GRK5: variants seen among roughly 807,000 people sequenced by gnomAD.
GRK5 encodes the protein G protein-coupled receptor kinase 5, also known as g protein-coupled receptor kinase GRK5.
A neutral mutation model predicts 78.4 loss-of-function variants in GRK5; 40 were observed. That is an observed-to-expected ratio of 0.51 (90% CI 0.40 to 0.66). The LOEUF (loss-of-function observed/expected upper bound fraction) is 0.66. Among genes scored for constraint, GRK5 ranks in the 30% least tolerant of loss-of-function variants. The pLI, the probability that GRK5 is intolerant of heterozygous loss-of-function variation, is 0.00. For missense variants in GRK5, 598 were observed against 759.9 expected (o/e 0.79, Z 2.50); for synonymous variants, 289 against 296.8 (o/e 0.97, Z 0.27).
At chr10:119,284,917 C>T (rs918423758) in intron 1 of GRK5, among the ~76,000 whole-genome samples, 1 of 152,212 alleles carries the variant, frequency 6.6e-6, no homozygotes, top group Non-Finnish European at 1.5e-5. Context: ...ATCCGAGCTC[C>T]CCATCCTGGG....
chr10:119,320,070 A>T (rs898805211), intron 1 of GRK5, among the ~76,000 whole-genome samples: 2 of 152,250 alleles, frequency 1.3e-5, no homozygotes, highest in Admixed American at 1.3e-4. Flanking sequence ...GAGAAGGGAC[A>T]CTAGAGCTGG....
At chr10:119,322,288 T>C (rs1850598858) in intron 1 of GRK5, among the ~76,000 whole-genome samples, 1 of 152,200 alleles carries the variant, frequency 6.6e-6, no homozygotes, top group African/African-American at 2.4e-5. Flanking sequence ...CCATGCTTTG[T>C]TCCAGGGGTC....
intron 4 of GRK5, chr10:119,406,310 C>T (rs1416206356): frequency 2.0e-5 from 4 of 198,710 alleles, no homozygotes; most frequent in African/African-American, 9.4e-5. Flanking sequence ...GACAGCATGA[C>T]CTAGGGCAAA....
intron 1 of GRK5, among the ~76,000 whole-genome samples, chr10:119,257,720 T>C (rs983458984): frequency 2.0e-5 from 3 of 151,982 alleles, no homozygotes; most frequent in African/African-American, 7.3e-5. Flanking sequence ...CGAGACTCTG[T>C]CTAAACAAAA....
At chr10:119,333,393 T>G (rs1589750050) in intron 2 of GRK5, 1 of 184,546 alleles carries the variant, frequency 5.4e-6, no homozygotes, top group Non-Finnish European at 1.1e-5. Context: ...CTGGGGCAGG[T>G]TGGTTTCCTC....
chr10:119,410,253 T>G (rs964249218), intron 4 of GRK5, among the ~76,000 whole-genome samples: 1 of 152,198 alleles, frequency 6.6e-6, no homozygotes, highest in Non-Finnish European at 1.5e-5. Flanking sequence ...TTTCCTTTCC[T>G]TCTCATTAAA....
intron 1 of GRK5, among the ~76,000 whole-genome samples, chr10:119,269,896 C>G (rs1849558801): frequency 6.6e-6 from 1 of 151,692 alleles, no homozygotes; most frequent in Admixed American, 6.6e-5. Context: ...TCAGAGCCAC[C>G]TTGGAGGGGG....
At chr10:119,340,447 C>T (rs1006402821) in intron 2 of GRK5, among the ~76,000 whole-genome samples, 7 of 152,198 alleles carry the variant, frequency 4.6e-5, no homozygotes, top group African/African-American at 1.7e-4. Context: ...ACTTTTAATT[C>T]CTTTTCTCAT....
Position 119,412,007 on chromosome 10 carries a change from C to T in GRK5, c.340-11159C>T, listed in dbSNP as rs181058995. 7.2e-5 allele frequency among the ~76,000 whole-genome samples: 11 copies of T among 152,102 alleles called. No individual in the cohort carries two copies. The highest frequency in any genetic ancestry group is 2.2e-4 in the African/African-American group (9 of 41,510). On this transcript the variant is annotated intron_variant, in intron 4 of 15. Coordinates refer to ENST00000392870, the MANE Select transcript of GRK5 (RefSeq NM_005308.3). The surrounding 1 kb of genome is among the most constrained non-coding windows in gnomAD (Gnocchi z 4.3). The stretch of plus-strand genomic sequence containing the variant: ...CTGGGACTATAGGCATACACCACCA[C>T]GCCTGGCTAATTTTTGTATTTTTAG...
chr10:119,210,018 C>G (rs964465180), intron 1 of GRK5, among the ~76,000 whole-genome samples: 3 of 152,070 alleles, frequency 2.0e-5, no homozygotes, highest in African/African-American at 4.8e-5. Flanking sequence ...GTTAGGCCAA[C>G]AAATTGGGTT....
At chr10:119,240,189 CTTTTTTTTTTTTT>C (rs55905745) in intron 1 of GRK5, among the ~76,000 whole-genome samples, 87 of 70,100 alleles carry the variant, frequency 1.2e-3, no homozygotes, top group Non-Finnish European at 2.0e-3. Flanking sequence ...TGTTTCCCGA[CTTTTTTTTTTTTT>C]TTTTTTTTTT....
rs1852925871 is a variant in GRK5, at chr10:119,436,680, G to A, written c.768G>A (p.Lys256=). Residue 256 remains lysine (K), a synonymous_variant, in exon 9 of 16, where the codon AAG becomes AAA. Coordinates refer to ENST00000392870, the MANE Select transcript of GRK5 (RefSeq NM_005308.3). ...VVNLAYAYET[K]DALCLVLTIM... is the part of the protein sequence containing the mutation. Reference sequence around the variant, plus strand: ...ACCTGGCCTATGCCTACGAGACCAAGGATGCACTGTGCTTGGTCCTGACCA... The same window carrying A: ...ACCTGGCCTATGCCTACGAGACCAAAGATGCACTGTGCTTGGTCCTGACCA... The A allele has an allele frequency of 1.2e-6, 2 of 1,614,224 alleles. No individual in the cohort carries two copies. The highest frequency in any genetic ancestry group is 1.7e-6 in the Non-Finnish European group (2 of 1,180,038).
chr10:119,247,892 TC>T (rs1849138313), intron 1 of GRK5, among the ~76,000 whole-genome samples: 1 of 151,858 alleles, frequency 6.6e-6, no homozygotes, highest in African/African-American at 2.4e-5. Flanking sequence ...ATCATGAAAG[TC>T]CCCCCCACCC....
intron 1 of GRK5, among the ~76,000 whole-genome samples, chr10:119,287,579 G>A (rs1340367249): frequency 6.6e-6 from 1 of 152,144 alleles, no homozygotes; most frequent in Admixed American, 6.5e-5. Flanking sequence ...TTCACTCTGG[G>A]CTTAGAATTC....
At chr10:119,348,765 G>A (rs1410492030) in intron 2 of GRK5, among the ~76,000 whole-genome samples, 1 of 152,248 alleles carries the variant, frequency 6.6e-6, no homozygotes, top group Non-Finnish European at 1.5e-5. Context: ...CCACCAGTGA[G>A]TGCTTTGGGG....
intron 1 of GRK5, among the ~76,000 whole-genome samples, chr10:119,295,442 T>C (rs915940955): frequency 5.5e-4 from 84 of 152,258 alleles, no homozygotes; most frequent in African/African-American, 1.8e-3. Context: ...AGAACTACCA[T>C]TTGATCCAGC....
At chr10:119,419,046 A>C (rs1050612152) in intron 4 of GRK5, among the ~76,000 whole-genome samples, 1 of 152,064 alleles carries the variant, frequency 6.6e-6, no homozygotes, top group African/African-American at 2.4e-5. Context: ...CTCTCCTGAC[A>C]CTCCTGAGTC....
chr10:119,391,455 A>C (rs1248215029), intron 3 of GRK5, among the ~76,000 whole-genome samples: 4 of 152,222 alleles, frequency 2.6e-5, no homozygotes, highest in Non-Finnish European at 5.9e-5. Flanking sequence ...TGAATGGAGG[A>C]GTTTAATGAG....
intron 1 of GRK5, among the ~76,000 whole-genome samples, chr10:119,303,684 GA>G (rs1260331227): frequency 6.6e-6 from 1 of 151,592 alleles, no homozygotes; most frequent in Non-Finnish European, 1.5e-5. Flanking sequence ...GAGATAGTTT[GA>G]AAGGGGCAAG....
Sources: allele counts gnomAD v4.1 joint callset (sites outside exome capture counted in the v4.1 genomes callset), GRCh38; gene constraint gnomAD v4.1.1; non-coding constraint Gnocchi (gnomAD v3.1); transcripts MANE v1.5; gene names NCBI Gene and HGNC (gene_info 2026-07-23, HGNC 2026-07-21).